ZEB2: variants seen among roughly 807,000 people sequenced by gnomAD.
ZEB2 encodes the protein zinc finger E-box binding homeobox 2, also known as zinc finger E-box-binding homeobox 2.
Under a neutral mutation model 99.9 loss-of-function variants are expected in ZEB2, and 6 were observed. The observed-to-expected ratio is 0.06, with a 90% confidence interval of 0.03 to 0.12. The LOEUF is 0.12. Among genes scored for constraint, ZEB2 ranks in the 10% least tolerant of loss-of-function variants. ZEB2 has a pLI of 1.00. For missense variants in ZEB2, 969 were observed against 1,502.8 expected, an observed-to-expected ratio of 0.64 and a Z score of 5.87; for synonymous variants, 517 against 542.5, an observed-to-expected ratio of 0.95 and a Z score of 0.65.
chr2:144,406,808 A>C (rs1427897906), intron 4 of ZEB2, among the ~76,000 whole-genome samples: 2 of 152,216 alleles, frequency 1.3e-5, no homozygotes, highest in African/African-American at 4.8e-5. Context: ...ATAGTATGAT[A>C]GGGATTGGAG....
rs1252268269 is a variant in ZEB2, at chr2:144,386,731, G to C, written c.*2720C>G. The C allele has an allele frequency of 6.6e-6, 1 of 152,104 alleles. No individual in the cohort carries two copies. The highest frequency in any genetic ancestry group is 1.5e-5 in the Non-Finnish European group (1 of 68,020). The allele number at this position is 152,104 out of a possible 1,614,324, so 9.4% of individuals were successfully genotyped here. On this transcript the variant is annotated 3_prime_UTR_variant, in exon 10 of 10. Coordinates refer to ENST00000627532, the MANE Select transcript of ZEB2 (RefSeq NM_014795.4). ...TTATTCTACCCGGACAAAATTTAATGGCTTGATATTTTCAGGTTGAATTAA... is the reference window on the plus strand; with the variant it reads ...TTATTCTACCCGGACAAAATTTAATCGCTTGATATTTTCAGGTTGAATTAA...
intron 2 of ZEB2, chr2:144,512,088 G>A: frequency 7.8e-7 from 1 of 1,287,126 alleles, no homozygotes; most frequent in Non-Finnish European, 1.0e-6. Context: ...GGGAATGAAT[G>A]GTACAGTGGA....
intron 2 of ZEB2, chr2:144,462,644 A>G (rs1259349641): frequency 2.0e-5 from 3 of 152,230 alleles, no homozygotes; most frequent in Non-Finnish European, 4.4e-5. Flanking sequence ...AAAATTAAAG[A>G]AAATGGAAAC....
chr2:144,519,780 T>A (rs1443740169), intron 1 of ZEB2, 159 bp downstream of exon 1: 1 of 352,366 alleles, frequency 2.8e-6, no homozygotes, highest in African/African-American at 2.1e-5. Flanking sequence ...AAGCTTGCCA[T>A]AAAGGAGCTA....
At chr2:144,486,124 T>C (rs1367508343) in intron 2 of ZEB2, among the ~76,000 whole-genome samples, 1 of 152,218 alleles carries the variant, frequency 6.6e-6, no homozygotes, top group Admixed American at 6.5e-5. Flanking sequence ...AGAAGTCTGA[T>C]TGTGAAGTGT....
rs562002222 is a variant in ZEB2, at chr2:144,470,273, G to A, written c.74-40247C>T. On this transcript the variant is annotated intron_variant, in intron 2 of 9. Transcript: ENST00000627532. ...GAATCTTAAACAAATGTTTCAACTT[G>A]AGGGCAAATAATGTTAGAGACACAG... is the stretch of plus-strand genomic sequence containing the variant. Among the ~76,000 whole-genome samples the A allele has an allele frequency of 3.0e-4, 45 of 152,280 alleles. No individual in the cohort carries two copies. In the East Asian group the frequency reaches 6.4e-3, roughly 22 times the overall value.
rs868788214 is a variant in ZEB2, at chr2:144,508,705, C to T, written c.73+8573G>A. 4.6e-5 allele frequency among the ~76,000 whole-genome samples: 7 copies of T among 151,856 alleles called. No homozygotes were observed. The South Asian group carries it at 8.3e-4, about 18-fold the overall frequency. On this transcript the variant is annotated intron_variant, in intron 2 of 9. Transcript: ENST00000627532. ...GTTCACATGACCTCCCAGGTTTGGA[C>T]AGATAGGCAGTACTTCCCCCTTGAA...
intron 2 of ZEB2, among the ~76,000 whole-genome samples, chr2:144,505,087 C>T (rs748470878): frequency 6.6e-6 from 1 of 150,538 alleles, no homozygotes; most frequent in African/African-American, 2.5e-5. Flanking sequence ...GGGGAAAAAA[C>T]GCACACACAA....
At chr2:144,504,797 G>C (rs1457770290) in intron 2 of ZEB2, among the ~76,000 whole-genome samples, 2 of 152,182 alleles carry the variant, frequency 1.3e-5, no homozygotes, top group Non-Finnish European at 2.9e-5. Flanking sequence ...AACAGAGGCA[G>C]TGCAGGCATT....
At chr2:144,420,568 T>C (rs2149887191) in intron 4 of ZEB2, among the ~76,000 whole-genome samples, 1 of 152,254 alleles carries the variant, frequency 6.6e-6, no homozygotes, top group Middle Eastern at 3.4e-3. Flanking sequence ...GGAGGAACGA[T>C]GAAACATGCT....
intron 2 of ZEB2, among the ~76,000 whole-genome samples, chr2:144,465,142 C>G (rs1244830454): frequency 1.3e-5 from 2 of 152,108 alleles, no homozygotes; most frequent in Non-Finnish European, 2.9e-5. Flanking sequence ...CTCAGAAAAC[C>G]CTTTCCTGGA....
chr2:144,441,164 C>CGAGAGAGAGAGAGAGAGAGA lies in ZEB2; in HGVS notation c.74-11158_74-11139dup, dbSNP rs113731061. On this transcript the variant is annotated intron_variant, in intron 2 of 9. Coordinates refer to ENST00000627532, the MANE Select transcript of ZEB2 (RefSeq NM_014795.4). ...CCTTCCTTCTCTTCCTTTAGCTGCACGAGAGAGAGAGAGAGAGAGAGAGAG... is the reference window on the plus strand; with the variant it reads ...CCTTCCTTCTCTTCCTTTAGCTGCACGAGAGAGAGAGAGAGAGAGAGAGAGAGAGAGAGAGAGAGAGAGAG... Among the ~76,000 whole-genome samples the CGAGAGAGAGAGAGAGAGAGA allele has an allele frequency of 6.8e-3, 603 of 88,898 alleles. 34 individuals are homozygous for CGAGAGAGAGAGAGAGAGAGA. The highest frequency in any genetic ancestry group is 0.011 in the African/African-American group (241 of 22,452). 58.3% of individuals were successfully genotyped at this position (88,898 alleles called of 152,430 possible). A position where few individuals can be genotyped will look rare whatever the true frequency, so the allele number is the denominator to read the frequency against.
chr2:144,474,345 T>G, intron 2 of ZEB2, among the ~76,000 whole-genome samples: 1 of 152,188 alleles, frequency 6.6e-6, no homozygotes, highest in East Asian at 1.9e-4. Flanking sequence ...TGCTAACTCT[T>G]TTCCATGTTA....
chr2:144,475,171 CCT>C (rs1370656823), intron 2 of ZEB2, among the ~76,000 whole-genome samples: 1 of 152,088 alleles, frequency 6.6e-6, no homozygotes, highest in Non-Finnish European at 1.5e-5. Flanking sequence ...AATGTCCTGC[CCT>C]GTTTTGTCCC....
chr2:144,404,819 A>G lies in ZEB2; in HGVS notation c.592+17T>C, dbSNP rs865788539. Reference sequence around the variant, plus strand: ...GCAGAGGTCAGTGCAGTGGCTAAAAATGATTTACAGCCTCACCATTTTCTT... The same window carrying G: ...GCAGAGGTCAGTGCAGTGGCTAAAAGTGATTTACAGCCTCACCATTTTCTT... On this transcript the variant is annotated intron_variant, in intron 5 of 9. Coordinates refer to ENST00000627532, the MANE Select transcript of ZEB2 (RefSeq NM_014795.4). 8 of 1,612,934 alleles carry G rather than the reference A, an allele frequency of 5.0e-6. 1 individual carries two copies. The Middle Eastern group carries it at 1.4e-3, about 278-fold the overall frequency.
intron 2 of ZEB2, among the ~76,000 whole-genome samples, chr2:144,501,494 A>G (rs1196801092): frequency 1.3e-5 from 2 of 152,210 alleles, no homozygotes; most frequent in Non-Finnish European, 2.9e-5. Flanking sequence ...AAAGGTGAGA[A>G]GTCATGTTGG....
intron 2 of ZEB2, among the ~76,000 whole-genome samples, chr2:144,477,837 G>C (rs113071983): frequency 4.6e-5 from 7 of 152,162 alleles, no homozygotes; most frequent in Non-Finnish European, 7.3e-5. Flanking sequence ...GAGATGAGGA[G>C]GCCTGAAAAG....
intron 2 of ZEB2, chr2:144,512,304 G>A: frequency 2.3e-6 from 3 of 1,287,218 alleles, no homozygotes; most frequent in Non-Finnish European, 2.0e-6. Context: ...AGCCTTGGAA[G>A]AATGCAGATG....
chr2:144,399,283 A>C lies in ZEB2; in HGVS notation c.1904T>G (p.Leu635Arg), dbSNP rs1486214432. The C allele has an allele frequency of 6.2e-7, 1 of 1,613,972 alleles. No homozygotes were observed. The highest frequency in any genetic ancestry group is 1.7e-5 in the Admixed American group (1 of 59,988). The change falls in exon 8 of 10, where the codon CTC becomes CGC. Residue 635 changes from leucine (L) to arginine (R), a missense_variant. This residue lies in a region of ZEB2 where 346 missense variants were observed against 460.0 expected (regional missense o/e 0.75). Coordinates refer to ENST00000627532, the MANE Select transcript of ZEB2 (RefSeq NM_014795.4). This position sits in a 1 kb window ranked among gnomAD's most constrained non-coding sequence, Gnocchi z 5.6. ...AGVFVDNKAL[L>R]LSSVLSEKGM... The stretch of plus-strand genomic sequence containing the variant: ...TTTCTCAGAAAGTACAGATGACAAG[A>C]GGAGGGCTTTATTATCAACAAAAAC...
Sources: gnomAD v4.1 joint callset for allele counts (sites outside exome capture counted in the v4.1 genomes callset) on GRCh38, gnomAD v4.1.1 for gene constraint, gnomAD v4.1.1 regional missense constraint, Gnocchi (gnomAD v3.1) non-coding constraint, MANE v1.5 for transcripts, NCBI Gene and HGNC (gene_info 2026-07-23, HGNC 2026-07-21) for gene names.